CACNA1A: variants seen among roughly 807,000 people sequenced by gnomAD.
The protein encoded by CACNA1A is voltage-dependent P/Q-type calcium channel subunit alpha-1A.
Under a neutral mutation model 262.4 loss-of-function variants are expected in CACNA1A, and 57 were observed. The observed-to-expected ratio is 0.22, with a 90% CI of 0.18 to 0.27. The LOEUF (loss-of-function observed/expected upper bound fraction) is 0.27, where lower values mean the gene tolerates loss of function less well. Ranked by LOEUF, CACNA1A falls within the 10% of genes least tolerant of loss-of-function variation. The probability of loss-of-function intolerance (pLI) is 1.00; values close to 1 mark genes in which losing one functional copy is unlikely to be tolerated. For synonymous variants in CACNA1A, 1,431 were observed against 1,419.3 expected, an observed-to-expected ratio of 1.01 and a Z score of -0.18; for missense variants, 2,526 against 3,562.8, an observed-to-expected ratio of 0.71 and a Z score of 7.41.
At position 13,369,355 on chromosome 19, in the gene CACNA1A, C is replaced by T. The variant is rs117740869; in HGVS notation, c.631+2333G>A. Among the ~76,000 whole-genome samples, 128 of 152,286 alleles carry T rather than the reference C, an allele frequency of 8.4e-4. 1 individual carries two copies. In the East Asian group the frequency reaches 0.02, roughly 23 times the overall value. ...ATTGGAGGACAACTCTGGTGTCACA[C>T]ACACTCCAGCTGAAATTGCGTCCCT... On this transcript the variant is annotated intron_variant, in intron 4 of 46. Transcript: ENST00000360228.
intron 3 of CACNA1A, among the ~76,000 whole-genome samples, chr19:13,427,447 C>T (rs372378868): frequency 4.8e-5 from 5 of 103,148 alleles, no homozygotes; most frequent in East Asian, 5.7e-4. Context: ...AGCGAAACTC[C>T]ATCTCAAAAT....
At chr19:13,465,341 T>A (rs115055943) in intron 1 of CACNA1A, among the ~76,000 whole-genome samples, 1 of 152,204 alleles carries the variant, frequency 6.6e-6, no homozygotes, top group African/African-American at 2.4e-5. Context: ...AGTGCATGCA[T>A]ATGTGTGGTC....
chr19:13,349,879 T>C (rs1251641390), intron 6 of CACNA1A, among the ~76,000 whole-genome samples: 2 of 152,162 alleles, frequency 1.3e-5, no homozygotes, highest in Non-Finnish European at 2.9e-5. Flanking sequence ...AAGTGGCTGA[T>C]CACCCATCTT....
At chr19:13,325,726 C>T (rs2058349276) in intron 10 of CACNA1A, among the ~76,000 whole-genome samples, 1 of 152,172 alleles carries the variant, frequency 6.6e-6, no homozygotes, top group Non-Finnish European at 1.5e-5. Context: ...CCGTGCCCAG[C>T]CATACTGTTA....
chr19:13,506,401 G>A lies in CACNA1A; in HGVS notation c.-177C>T. Reference sequence around the variant, plus strand: ...TCGGGCGGCGGCGGCTCGGCGCCTCGGGTCGGGGGCTCAGAAGGCGGCTGC... The same window carrying A: ...TCGGGCGGCGGCGGCTCGGCGCCTCAGGTCGGGGGCTCAGAAGGCGGCTGC... On this transcript the variant is annotated 5_prime_UTR_variant, in exon 1 of 47. Transcript: ENST00000360228. 2.2e-6 allele frequency: 1 copy of A among 448,144 alleles called. No individual in the cohort carries two copies. The highest frequency in any genetic ancestry group is 3.7e-6 in the Non-Finnish European group (1 of 272,624). 27.8% of individuals were successfully genotyped at this position (448,144 alleles called of 1,614,324 possible).
chr19:13,210,855 G>A (rs779710606), intron 43 of CACNA1A: 15 of 627,950 alleles, frequency 2.4e-5, no homozygotes, highest in African/African-American at 1.5e-4. Context: ...CCAGGCCCCC[G>A]GGGCTGGGCG....
Position 13,208,808 on chromosome 19 carries a change from T to A in CACNA1A, c.6728A>T (p.Gln2243Leu). The stretch of plus-strand genomic sequence containing the variant: ...CTCGCTGGGCGAGCGGGACCAGCGC[T>A]GGTCCCGAGCCCGTGCCCGGCCGTG... The part of the protein sequence containing the change: ...PDHGRARARD[Q>L]RWSRSPSEGR... The change falls in exon 46 of 47, where the codon CAG (glutamine) becomes CTG (leucine). Residue 2243 changes from glutamine to leucine, a missense_variant. Gln to Leu is a moderately radical substitution (Grantham distance 113). Coordinates refer to ENST00000360228, the MANE Select transcript of CACNA1A (RefSeq NM_001127222.2). 1.4e-6 allele frequency: 2 copies of A among 1,401,578 alleles called. No individual in the cohort carries two copies. The highest frequency in any genetic ancestry group is 1.9e-6 in the Non-Finnish European group (2 of 1,066,204). 86.8% of individuals were successfully genotyped at this position (1,401,578 alleles called of 1,614,324 possible). A position where few individuals can be genotyped will look rare whatever the true frequency, so the allele number is the denominator to read the frequency against.
intron 19 of CACNA1A, among the ~76,000 whole-genome samples, chr19:13,297,046 G>T (rs1384205582): frequency 6.6e-6 from 1 of 152,278 alleles, no homozygotes; most frequent in East Asian, 1.9e-4. Flanking sequence ...AACTTCCAAA[G>T]AATAGCATTA....
Position 13,224,693 on chromosome 19 carries a change from G to A in CACNA1A, c.5705C>T (p.Thr1902Ile). 1 of 1,612,286 alleles carries A rather than the reference G, an allele frequency of 6.2e-7. No homozygotes were observed. The highest frequency in any genetic ancestry group is 8.5e-7 in the Non-Finnish European group (1 of 1,178,972). Residue 1902 changes from threonine (T) to isoleucine (I), a missense_variant, in exon 38 of 47, where the codon ACA becomes ATA. Transcript: ENST00000360228. The stretch of plus-strand genomic sequence containing the variant: ...CTTGGCAATCTTGATGTCCAGGGCT[G>A]TGCGGATCAGAGCCATGAGGGTGGA... ...FNSTLMALIR[T>I]ALDIKIAKGG...
At chr19:13,476,950 C>T (rs1177526965) in intron 1 of CACNA1A, among the ~76,000 whole-genome samples, 1 of 152,088 alleles carries the variant, frequency 6.6e-6, no homozygotes, top group Non-Finnish European at 1.5e-5. Context: ...AGGTCACGTC[C>T]CTCCTCTGCT....
rs1486662717 is a variant in CACNA1A at position 13,236,902 on chromosome 19, G to T, written c.4951-1172C>A. Among the ~76,000 whole-genome samples, 2 of 152,182 alleles carry T rather than the reference G, an allele frequency of 1.3e-5. No individual in the cohort carries two copies. The highest frequency in any genetic ancestry group is 2.9e-5 in the Non-Finnish European group (2 of 68,032). On this transcript the variant is annotated intron_variant, in intron 31 of 46. Coordinates refer to ENST00000360228, the MANE Select transcript of CACNA1A (RefSeq NM_001127222.2). The surrounding 1 kb of genome is among the most constrained non-coding windows in gnomAD (Gnocchi z 4.6). ...TGGGGCTTCAAGGGACCTTGGTGGGGGGGGTGGGACTCTCGAAGTCACGAG... is the reference window on the plus strand; with the variant it reads ...TGGGGCTTCAAGGGACCTTGGTGGGTGGGGTGGGACTCTCGAAGTCACGAG...
At chr19:13,267,837 G>A (rs1334334653) in intron 24 of CACNA1A, among the ~76,000 whole-genome samples, 4 of 151,956 alleles carry the variant, frequency 2.6e-5, no homozygotes, top group East Asian at 2.0e-4. Context: ...CTGCAGTGCA[G>A]TAGCGGGATC....
rs1600272076 is a variant in CACNA1A, at chr19:13,298,764, G to T, written c.2869C>A (p.Arg957Ser). Residue 957 changes from arginine (R) to serine (S), a missense_variant, in exon 19 of 47, where the codon CGT becomes AGT. This residue lies in a region of CACNA1A where 765 missense variants were observed against 748.6 expected (regional missense o/e 1.02). Coordinates refer to ENST00000360228, the MANE Select transcript of CACNA1A (RefSeq NM_001127222.2). Reference protein sequence around the residue: ...PRTGADGEHRRHRAHRRPGEE... With the variant: ...PRTGADGEHRSHRAHRRPGEE... Reference sequence around the variant, plus strand: ...CCGGGCCTGCGGTGCGCGCGATGACGTCGATGCTCCCCGTCCGCGCCCGTG... The same window carrying T: ...CCGGGCCTGCGGTGCGCGCGATGACTTCGATGCTCCCCGTCCGCGCCCGTG... The T allele has an allele frequency of 6.6e-7, 1 of 1,519,322 alleles. No individual in the cohort carries two copies. The highest frequency in any genetic ancestry group is 8.8e-7 in the Non-Finnish European group (1 of 1,141,984). 94.1% of individuals were successfully genotyped at this position (1,519,322 alleles called of 1,614,324 possible). A position where few individuals can be genotyped will look rare whatever the true frequency, so the allele number is the denominator to read the frequency against.
intron 3 of CACNA1A, among the ~76,000 whole-genome samples, chr19:13,415,268 C>T (rs970993669): frequency 6.6e-6 from 1 of 151,770 alleles, no homozygotes; most frequent in Non-Finnish European, 1.5e-5. Context: ...GACAAGGAAA[C>T]GTGCGGAAGG....
chr19:13,383,820 A>G (rs1003603170), intron 3 of CACNA1A, among the ~76,000 whole-genome samples: 2 of 151,824 alleles, frequency 1.3e-5, no homozygotes, highest in East Asian at 1.9e-4. Context: ...TTGTTTGTTT[A>G]TTTATTTATT....
In CACNA1A at chr19:13,208,918, C is replaced by A; in HGVS notation, c.6618G>T (p.Lys2206Asn). The A allele has an allele frequency of 6.5e-7, 1 of 1,537,172 alleles. No individual in the cohort carries two copies. Among genetic ancestry groups the A allele is most frequent in the Non-Finnish European group, 8.7e-7 (1 of 1,146,862 alleles). The stretch of plus-strand genomic sequence containing the variant: ...GGTGGTGGTGGTGGTGCTGTCGATG[C>A]TTCCGATCCTTGGGCCGGCCCCGCT... ...DQERGRPKDR[K>N]HRQHHHHHHH... The change falls in exon 46 of 47, where the codon AAG becomes AAT. Residue 2206 changes from lysine (K) to asparagine (N), a missense_variant. Transcript: ENST00000360228.
chr19:13,320,835 C>T (rs1477210521), intron 10 of CACNA1A, among the ~76,000 whole-genome samples: 1 of 152,062 alleles, frequency 6.6e-6, no homozygotes, highest in Non-Finnish European at 1.5e-5. Flanking sequence ...CAACCCAATA[C>T]ATCCAAAATA....
chr19:13,283,483 C>G (rs896494210), intron 21 of CACNA1A, 87 bp from the exon 22 acceptor site: 8 of 1,522,568 alleles, frequency 5.3e-6, no homozygotes, highest in Non-Finnish European at 7.2e-6. Context: ...TTACCTACCA[C>G]TACTGAGATC....
intron 19 of CACNA1A, among the ~76,000 whole-genome samples, chr19:13,288,235 CTTTT>C (rs570154795): frequency 0.062 from 9,131 of 147,138 alleles, 359 homozygotes; most frequent in South Asian, 0.21. Flanking sequence ...CTTTCTTTTT[CTTTT>C]TTCTTTTTTT....
Sources: allele counts gnomAD v4.1 joint callset (sites outside exome capture counted in the v4.1 genomes callset), GRCh38; gene constraint gnomAD v4.1.1; regional missense constraint gnomAD v4.1.1; non-coding constraint Gnocchi (gnomAD v3.1); transcripts MANE v1.5; gene names NCBI Gene and HGNC (gene_info 2026-07-23, HGNC 2026-07-21).